KCTD16: variants seen among roughly 807,000 people sequenced by gnomAD.
The protein encoded by KCTD16 is BTB/POZ domain-containing protein KCTD16.
In KCTD16, 13 loss-of-function variants were observed where a neutral mutation model predicts 33.2. That is an observed-to-expected ratio of 0.39 (90% confidence interval 0.25 to 0.62). KCTD16 has a LOEUF of 0.62. Among genes scored for constraint, KCTD16 ranks in the 20% least tolerant of loss-of-function variants. KCTD16 has a pLI of 0.50. For missense variants in KCTD16, 441 were observed against 525.1 expected (o/e 0.84, Z 1.57); for synonymous variants, 197 against 195.3 (o/e 1.01, Z -0.07).
rs75872007 is a variant in KCTD16 at position 144,267,711 on chromosome 5, A to G, written c.832+60165A>G. Among the ~76,000 whole-genome samples, 1,490 of 152,200 alleles carry G rather than the reference A, an allele frequency of 9.8e-3. 21 individuals are homozygous for G. Among genetic ancestry groups the G allele is most frequent in the African/African-American group, 0.034 (1,401 of 41,502 alleles). On this transcript the variant is annotated intron_variant, in intron 3 of 3. Transcript: ENST00000512467. ...ATGGAGGAGGCAAAACAAAGAAGCA[A>G]TTTGTCAAATGAGGTACCATTCTTT...
chr5:144,398,923 A>G (rs1371363607), intron 3 of KCTD16, among the ~76,000 whole-genome samples: 1 of 152,144 alleles, frequency 6.6e-6, no homozygotes, highest in African/African-American at 2.4e-5. Flanking sequence ...CATGACTTTT[A>G]ACACCTTTGC....
At position 144,476,353 on chromosome 5, in the gene KCTD16, T is replaced by TA. The variant is rs1754594318; in HGVS notation, c.*2241dup. 1 of 152,184 alleles carries TA rather than the reference T, an allele frequency of 6.6e-6. No individual in the cohort carries two copies. Among genetic ancestry groups the TA allele is most frequent in the Non-Finnish European group, 1.5e-5 (1 of 68,024 alleles). 9.4% of individuals were successfully genotyped at this position (152,184 alleles called of 1,614,324 possible). A position where few individuals can be genotyped will look rare whatever the true frequency, so the allele number is the denominator to read the frequency against. ...GCCTCAAGATAGAGAGATACCCTTA[T>TA]AAGAGTAAAGAATTAAGATGATAGT... On this transcript the variant is annotated 3_prime_UTR_variant, in exon 4 of 4. Coordinates refer to ENST00000512467, the MANE Select transcript of KCTD16 (RefSeq NM_020768.4).
At chr5:144,417,855 T>C (rs1431207846) in intron 3 of KCTD16, among the ~76,000 whole-genome samples, 2 of 152,154 alleles carry the variant, frequency 1.3e-5, no homozygotes, top group African/African-American at 2.4e-5. Context: ...AAGATGTGTC[T>C]GGAATTGGTT....
chr5:144,386,794 G>C (rs1348582822), intron 3 of KCTD16, among the ~76,000 whole-genome samples: 3 of 152,146 alleles, frequency 2.0e-5, no homozygotes, highest in African/African-American at 7.2e-5. Context: ...AAAAAAAACA[G>C]CCATTCCTCA....
intron 3 of KCTD16, among the ~76,000 whole-genome samples, chr5:144,382,025 C>CATACATACATACATAT (rs1752227232): frequency 6.6e-6 from 1 of 151,810 alleles, no homozygotes; most frequent in African/African-American, 2.4e-5. Flanking sequence ...TATATACATA[C>CATACATACATACATAT]ATACATACAT....
In KCTD16 at chr5:144,277,751, A is replaced by G. The variant is rs1462141887; in HGVS notation, c.832+70205A>G. On this transcript the variant is annotated intron_variant, in intron 3 of 3. Coordinates refer to ENST00000512467, the MANE Select transcript of KCTD16 (RefSeq NM_020768.4). The stretch of plus-strand genomic sequence containing the variant: ...GTGTGTAGTTATAGCTCATGGTGGT[A>G]TTAGTTTTCATTTACCTAGAGACTA... Among the ~76,000 whole-genome samples the G allele has an allele frequency of 2.0e-5, 3 of 152,192 alleles. No homozygotes were observed. The South Asian group carries it at 6.2e-4, about 32-fold the overall frequency.
At chr5:144,325,992 G>A (rs1454876026) in intron 3 of KCTD16, among the ~76,000 whole-genome samples, 3 of 152,052 alleles carry the variant, frequency 2.0e-5, no homozygotes, top group Non-Finnish European at 4.4e-5. Flanking sequence ...ACCTTATCAG[G>A]AGAAGATTAA....
chr5:144,257,557 C>T (rs570043230), intron 3 of KCTD16, among the ~76,000 whole-genome samples: 83 of 152,030 alleles, frequency 5.5e-4, no homozygotes, highest in Non-Finnish European at 8.4e-4. Flanking sequence ...GACGTGATCT[C>T]GGCTCCCTGC....
intron 3 of KCTD16, among the ~76,000 whole-genome samples, chr5:144,428,394 G>T (rs969981330): frequency 3.3e-5 from 5 of 152,078 alleles, no homozygotes; most frequent in Non-Finnish European, 7.4e-5. Context: ...ATTTGATTTA[G>T]ACAGGGGAAT....
chr5:144,480,653 T>A lies in KCTD16; in HGVS notation c.*6539T>A, dbSNP rs921614648. 6 of 152,014 alleles carry A rather than the reference T, an allele frequency of 3.9e-5. No homozygotes were observed. The highest frequency in any genetic ancestry group is 1.4e-4 in the African/African-American group (6 of 41,524). 9.4% of individuals were successfully genotyped at this position (152,014 alleles called of 1,614,324 possible). On this transcript the variant is annotated 3_prime_UTR_variant, in exon 4 of 4. Transcript: ENST00000512467. Reference sequence around the variant, plus strand: ...GGAGTGGTTTTGCATACCAGAGATCTTTTGGCAATGCCTGGAGATATTTTT... The same window carrying A: ...GGAGTGGTTTTGCATACCAGAGATCATTTGGCAATGCCTGGAGATATTTTT...
At chr5:144,299,137 TATATATA>T (rs1751333897) in intron 3 of KCTD16, among the ~76,000 whole-genome samples, 1 of 33,482 alleles carries the variant, frequency 3.0e-5, no homozygotes, top group Non-Finnish European at 4.6e-5. Context: ...TATATATATA[TATATATA>T]TATATTTTTT....
chr5:144,307,506 C>G (rs1298403876), intron 3 of KCTD16, among the ~76,000 whole-genome samples: 1 of 152,104 alleles, frequency 6.6e-6, no homozygotes, highest in Non-Finnish European at 1.5e-5. Context: ...ATGCCAAGTG[C>G]TTAACATACA....
chr5:144,261,167 C>CAAAAAAA (rs1299878040), intron 3 of KCTD16, among the ~76,000 whole-genome samples: 98 of 78,002 alleles, frequency 1.3e-3, no homozygotes, highest in African/African-American at 2.6e-3. Flanking sequence ...GGAACAACAA[C>CAAAAAAA]AAAAAAAAAA....
chr5:144,196,425 T>G (rs775827030), intron 2 of KCTD16, among the ~76,000 whole-genome samples: 1 of 152,210 alleles, frequency 6.6e-6, no homozygotes, highest in Non-Finnish European at 1.5e-5. Flanking sequence ...AGGTATTTTA[T>G]TACTGTCTTT....
At chr5:144,263,468 A>G (rs980484503) in intron 3 of KCTD16, among the ~76,000 whole-genome samples, 2 of 152,218 alleles carry the variant, frequency 1.3e-5, no homozygotes, top group Non-Finnish European at 2.9e-5. Context: ...CTTTGAATAG[A>G]AAATGGTATC....
At chr5:144,297,190 C>G (rs1756062923) in intron 3 of KCTD16, among the ~76,000 whole-genome samples, 1 of 152,112 alleles carries the variant, frequency 6.6e-6, no homozygotes, top group Admixed American at 6.5e-5. Flanking sequence ...TTCATTTTTC[C>G]TTCATAAAAT....
chr5:144,466,759 T>C (rs1435292633), intron 3 of KCTD16, among the ~76,000 whole-genome samples: 1 of 151,280 alleles, frequency 6.6e-6, no homozygotes, highest in Non-Finnish European at 1.5e-5. Context: ...TCTTCTTCCA[T>C]GAAAAGAAAA....
intron 3 of KCTD16, among the ~76,000 whole-genome samples, chr5:144,271,099 A>T (rs1755280403): frequency 6.6e-6 from 1 of 152,066 alleles, no homozygotes; most frequent in Non-Finnish European, 1.5e-5. Context: ...TTTAAAGAAC[A>T]AACGCCAGTT....
intron 3 of KCTD16, among the ~76,000 whole-genome samples, chr5:144,314,739 A>G (rs1035603486): frequency 6.6e-6 from 1 of 152,216 alleles, no homozygotes; most frequent in East Asian, 1.9e-4. Context: ...TATTATACTT[A>G]TCCACCGAAC....
Sources: allele counts gnomAD v4.1 joint callset (sites outside exome capture counted in the v4.1 genomes callset), GRCh38; gene constraint gnomAD v4.1.1; transcripts MANE v1.5; gene names NCBI Gene and HGNC (gene_info 2026-07-23, HGNC 2026-07-21).